The following OSGIN2 variants were observed in gnomAD, a reference collection of about 807,000 sequenced individuals.
OSGIN2 encodes the protein oxidative stress-induced growth inhibitor 2.
In OSGIN2, 19 loss-of-function variants were observed where a neutral mutation model predicts 53.8. That is an observed-to-expected ratio of 0.35 (90% confidence interval 0.25 to 0.52). The LOEUF is 0.52. OSGIN2 is among the 20% of genes least tolerant of loss of function. OSGIN2 has a pLI of 0.95. For missense variants in OSGIN2, 520 were observed against 662.7 expected (o/e 0.78, Z 2.36); for synonymous variants, 236 against 236.0 (o/e 1.00, Z 0.00).
chr8:89,902,525 C>G (rs946103840), upstream of OSGIN2: 2 of 153,192 alleles, frequency 1.3e-5, no homozygotes, highest in African/African-American at 4.8e-5. Flanking sequence ...GTCGCAGCGT[C>G]CCCGCCCCGC....
At position 89,909,178 on chromosome 8, in the gene OSGIN2, C is replaced by A. The variant is rs1470237105; in HGVS notation, c.45-389C>A. ...TAACTTTTTCTTAAAATGTGTATGA[C>A]TATATATTGTATTTTAGTGCACTCA... On this transcript the variant is annotated intron_variant, in intron 1 of 5. Coordinates refer to ENST00000451899, the MANE Select transcript of OSGIN2 (RefSeq NM_001126111.3). Among the ~76,000 whole-genome samples the A allele has an allele frequency of 2.0e-5, 3 of 150,690 alleles. No individual in the cohort carries two copies. In the East Asian group the frequency reaches 5.8e-4, roughly 29 times the overall value.
intron 1 of OSGIN2, among the ~76,000 whole-genome samples, chr8:89,908,444 C>A (rs1808883082): frequency 1.3e-5 from 2 of 152,148 alleles, no homozygotes; most frequent in African/African-American, 4.8e-5. Context: ...GTAGAAATGC[C>A]TGTCTCTGCC....
At chr8:89,921,505 T>C (rs1222567812) in intron 5 of OSGIN2, among the ~76,000 whole-genome samples, 1 of 152,234 alleles carries the variant, frequency 6.6e-6, no homozygotes, top group Admixed American at 6.5e-5. Flanking sequence ...TGCATTGATA[T>C]ATAACTTTAT....
intron 3 of OSGIN2, 46 bp from the exon 4 acceptor site, chr8:89,914,509 G>A: frequency 1.4e-6 from 2 of 1,452,748 alleles, no homozygotes; most frequent in East Asian, 2.3e-5. Context: ...TACTATCTGG[G>A]AAATGCTGGC....
intron 2 of OSGIN2, among the ~76,000 whole-genome samples, chr8:89,912,143 C>T (rs1443542215): frequency 6.6e-6 from 1 of 152,042 alleles, no homozygotes; most frequent in Non-Finnish European, 1.5e-5. Context: ...TTCTTTGCAG[C>T]TAGCAATTCT....
chr8:89,922,611 G>A (rs1030650962), intron 5 of OSGIN2, among the ~76,000 whole-genome samples: 8 of 152,188 alleles, frequency 5.3e-5, no homozygotes, highest in African/African-American at 1.7e-4. Flanking sequence ...TAGGTCTCTA[G>A]AGATTGGTGG....
intron 4 of OSGIN2, among the ~76,000 whole-genome samples, chr8:89,916,161 C>T (rs1288354792): frequency 6.6e-6 from 1 of 152,148 alleles, no homozygotes; most frequent in Non-Finnish European, 1.5e-5. Flanking sequence ...ACTGCCTTCT[C>T]TGAATTCCTG....
At chr8:89,924,437 ATAAG>A in intron 5 of OSGIN2, 62 bp from the exon 6 acceptor site, 2 of 1,156,832 alleles carry the variant, frequency 1.7e-6, no homozygotes, top group Non-Finnish European at 2.5e-6. Context: ...TACTAGGTAG[ATAAG>A]TAATAATCAT....
At chr8:89,912,383 C>T (rs1405962166) in intron 2 of OSGIN2, among the ~76,000 whole-genome samples, 2 of 152,118 alleles carry the variant, frequency 1.3e-5, no homozygotes, top group Non-Finnish European at 2.9e-5. Flanking sequence ...TCACTGAGAC[C>T]ATGGCGTTGC....
At chr8:89,921,324 C>A in intron 5 of OSGIN2, 153 bp downstream of exon 5, 1 of 547,962 alleles carries the variant, frequency 1.8e-6, no homozygotes, top group Non-Finnish European at 3.2e-6. Context: ...TTATAATATG[C>A]TAGTTTTCAT....
In OSGIN2 at chr8:89,925,360, A is replaced by T; in HGVS notation, c.1478A>T (p.Tyr493Phe). 1 of 1,614,140 alleles carries T rather than the reference A, an allele frequency of 6.2e-7. No individual in the cohort carries two copies. Among genetic ancestry groups the T allele is most frequent in the South Asian group, 1.1e-5 (1 of 91,084 alleles). ...CKGNPVEIDT[Y>F]TYECIKEANL... ...GGTAATCCTGTGGAAATAGATACAT[A>T]TACCTATGAGTGTATTAAAGAAGCC... The change falls in exon 6 of 6, where the codon TAT becomes TTT. Residue 493 changes from tyrosine (Y) to phenylalanine (F), a missense_variant. Coordinates refer to ENST00000451899, the MANE Select transcript of OSGIN2 (RefSeq NM_001126111.3).
intron 4 of OSGIN2, 24 bp from the exon 5 acceptor site, chr8:89,921,056 A>AT (rs77442580): frequency 9.4e-3 from 10,584 of 1,126,234 alleles, no homozygotes; most frequent in South Asian, 0.012. Context: ...TTGACGGTAC[A>AT]TTTTTTTTTT....
rs796889091 is a variant in OSGIN2 at position 89,922,634 on chromosome 8, G to A, written c.620+1463G>A. ...TAGAGATTGGTGGAGTTTGAGTTCCGACTTATGACTTCTAGTGTTGTGATC... is the reference window on the plus strand; with the variant it reads ...TAGAGATTGGTGGAGTTTGAGTTCCAACTTATGACTTCTAGTGTTGTGATC... On this transcript the variant is annotated intron_variant, in intron 5 of 5. Transcript: ENST00000451899. Among the ~76,000 whole-genome samples the A allele has an allele frequency of 3.9e-5, 6 of 152,238 alleles. No homozygotes were observed. The South Asian group carries it at 6.2e-4, about 16-fold the overall frequency.
At chr8:89,916,226 C>A (rs1225824992) in intron 4 of OSGIN2, among the ~76,000 whole-genome samples, 2 of 151,274 alleles carry the variant, frequency 1.3e-5, no homozygotes, top group East Asian at 3.9e-4. Flanking sequence ...GTTGTGCAGG[C>A]GATAATTGAT....
intron 1 of OSGIN2, among the ~76,000 whole-genome samples, chr8:89,903,679 A>G (rs1027227508): frequency 1.3e-5 from 2 of 152,234 alleles, no homozygotes; most frequent in Non-Finnish European, 2.9e-5. Context: ...ATATCATTTC[A>G]CTAAATTTTA....
chr8:89,902,352 C>T (rs953155997), upstream of OSGIN2, among the ~76,000 whole-genome samples: 1 of 152,162 alleles, frequency 6.6e-6, no homozygotes, highest in Non-Finnish European at 1.5e-5. Context: ...TCGATTGCCG[C>T]CGGTCGAGCC....
chr8:89,922,841 CTATAGGG>C (rs1809237410), intron 5 of OSGIN2, among the ~76,000 whole-genome samples: 1 of 152,158 alleles, frequency 6.6e-6, no homozygotes, highest in African/African-American at 2.4e-5. Flanking sequence ...TACCCTTAGG[CTATAGGG>C]TATAGCCTGT....
intron 1 of OSGIN2, among the ~76,000 whole-genome samples, chr8:89,904,335 G>C (rs1198218755): frequency 6.6e-6 from 1 of 152,108 alleles, no homozygotes; most frequent in Non-Finnish European, 1.5e-5. Context: ...ATATTCTTTT[G>C]ACTAATACTG....
At chr8:89,918,190 C>A (rs538515772) in intron 4 of OSGIN2, among the ~76,000 whole-genome samples, 1 of 152,278 alleles carries the variant, frequency 6.6e-6, no homozygotes, top group East Asian at 1.9e-4. Context: ...CTGATCTCTG[C>A]AGCTTTTGAC....
Sources: gnomAD v4.1 joint callset for allele counts (sites outside exome capture counted in the v4.1 genomes callset) on GRCh38, gnomAD v4.1.1 for gene constraint, MANE v1.5 for transcripts, NCBI Gene and HGNC (gene_info 2026-07-23, HGNC 2026-07-21) for gene names.